Variants in UBE2G2 observed in about 807,000 individuals in gnomAD.
UBE2G2 encodes the protein ubiquitin conjugating enzyme E2 G2.
In UBE2G2, 10 loss-of-function variants were observed where a neutral mutation model predicts 23.0. That is an observed-to-expected ratio of 0.43 (90% CI 0.27 to 0.74). The LOEUF (loss-of-function observed/expected upper bound fraction) is 0.74. Among genes scored for constraint, UBE2G2 ranks in the 30% least tolerant of loss-of-function variants. The pLI is 0.19. For missense variants in UBE2G2, 150 were observed against 218.3 expected (o/e 0.69, Z 1.97); for synonymous variants, 86 against 81.3 (o/e 1.06, Z -0.31).
chr21:44,796,720 C>A (rs1230534771), intron 1 of UBE2G2, among the ~76,000 whole-genome samples: 2 of 152,226 alleles, frequency 1.3e-5, no homozygotes, highest in Non-Finnish European at 2.9e-5. Context: ...CTGGACACAG[C>A]ATGGGCCAGC....
chr21:44,783,390 C>A (rs1223009944), intron 3 of UBE2G2, among the ~76,000 whole-genome samples: 3 of 152,224 alleles, frequency 2.0e-5, no homozygotes, highest in African/African-American at 7.2e-5. Context: ...TTACTCCACA[C>A]CCCAGCAATT....
At chr21:44,799,252 A>G (rs184836147) in intron 1 of UBE2G2, among the ~76,000 whole-genome samples, 111 of 152,364 alleles carry the variant, frequency 7.3e-4, no homozygotes, top group Non-Finnish European at 1.4e-3. Flanking sequence ...GCTTCAACTC[A>G]GTCAACTTAA....
At chr21:44,799,205 A>C (rs2083116492) in intron 1 of UBE2G2, among the ~76,000 whole-genome samples, 2 of 152,296 alleles carry the variant, frequency 1.3e-5, no homozygotes, top group South Asian at 4.2e-4. Flanking sequence ...ATAATTTTTA[A>C]GGGCCCTAAG....
intron 1 of UBE2G2, among the ~76,000 whole-genome samples, chr21:44,797,282 T>G (rs180983444): frequency 9.8e-5 from 15 of 152,350 alleles, no homozygotes; most frequent in African/African-American, 3.6e-4. Flanking sequence ...ATGAAGCTTC[T>G]GTCAGGACAA....
At position 44,801,652 on chromosome 21, in the gene UBE2G2, G is replaced by A. The variant is rs543486894; in HGVS notation, c.43+54C>T. The A allele has an allele frequency of 9.4e-3, 14,061 of 1,496,534 alleles. 86 individuals are homozygous for A. Among genetic ancestry groups the A allele is most frequent in the Non-Finnish European group, 0.011 (12,565 of 1,125,170 alleles). 92.7% of individuals were successfully genotyped at this position (1,496,534 alleles called of 1,614,324 possible). A position where few individuals can be genotyped will look rare whatever the true frequency, so the allele number is the denominator to read the frequency against. On this transcript the variant is annotated intron_variant, in intron 1 of 5. Transcript: ENST00000345496. ...TGCCCCAGCCCCGCCGGACGACGCG[G>A]GCCCGGGAGCAGGAACGCGGGACGC...
chr21:44,797,743 A>G (rs1410314423), intron 1 of UBE2G2, among the ~76,000 whole-genome samples: 2 of 141,308 alleles, frequency 1.4e-5, no homozygotes, highest in Non-Finnish European at 1.5e-5. Context: ...AAAAAAAAAG[A>G]GAAAATACCT....
intron 3 of UBE2G2, among the ~76,000 whole-genome samples, chr21:44,783,276 G>A (rs1364157790): frequency 1.3e-5 from 2 of 152,242 alleles, no homozygotes; most frequent in Admixed American, 6.5e-5. Context: ...TGTTGGTGTG[G>A]AAGTGGAGAA....
At chr21:44,801,404 A>T in intron 1 of UBE2G2, 1 of 1,200,344 alleles carries the variant, frequency 8.3e-7, no homozygotes, top group Non-Finnish European at 1.0e-6. Flanking sequence ...CAAGGCTGCC[A>T]AGAAAAGAAA....
At chr21:44,788,034 T>C (rs782315510) in intron 2 of UBE2G2, 26 bp downstream of exon 2, 3 of 1,611,988 alleles carry the variant, frequency 1.9e-6, no homozygotes, top group African/African-American at 1.3e-5. Flanking sequence ...AAGTAAATTA[T>C]AAGGAAGTTA....
At chr21:44,790,952 G>A (rs868951613) in intron 1 of UBE2G2, among the ~76,000 whole-genome samples, 1 of 152,190 alleles carries the variant, frequency 6.6e-6, no homozygotes, top group Non-Finnish European at 1.5e-5. Flanking sequence ...GAATGCTTTT[G>A]ACCAAAATGC....
At position 44,777,405 on chromosome 21, in the gene UBE2G2, G is replaced by A. The variant is rs1555960725; in HGVS notation, c.138C>T (p.Asp46=). ...EWEALIMGPE[D]TCFEFGVFPA... is the part of the protein sequence containing the mutation. ...GAAAAACACCAAACTCAAAGCAGGTGTCTTCTGGGCCCCTAGAAGATATAA... is the reference window on the plus strand; with the variant it reads ...GAAAAACACCAAACTCAAAGCAGGTATCTTCTGGGCCCCTAGAAGATATAA... The change falls in exon 4 of 6, where the codon GAC becomes GAT. Residue 46 remains aspartate, a synonymous_variant. Transcript: ENST00000345496. 1.2e-6 allele frequency: 2 copies of A among 1,613,940 alleles called. No individual in the cohort carries two copies. The highest frequency in any genetic ancestry group is 2.7e-5 in the African/African-American group (2 of 74,898).
intron 3 of UBE2G2, among the ~76,000 whole-genome samples, chr21:44,779,374 G>C (rs138226542): frequency 7.3e-6 from 1 of 136,258 alleles, no homozygotes; most frequent in Admixed American, 7.3e-5. Context: ...GCTGGGGTGG[G>C]GGGGGGGTAC....
chr21:44,771,464 G>A lies in UBE2G2; in HGVS notation c.411C>T (p.Asn137=), dbSNP rs371194777. ...LAEPNDESGA[N]VDASKMWRDD... is the part of the protein sequence containing the mutation. ...CGCGCCACATTTTGGACGCATCCAC[G>A]TTAGCTCCACTTTCGTCATTGGGCT... is the stretch of plus-strand genomic sequence containing the variant. Residue 137 remains asparagine (N), a synonymous_variant, in exon 6 of 6, where the codon AAC becomes AAT. Transcript: ENST00000345496. This position sits in a 1 kb window ranked among gnomAD's most constrained non-coding sequence, Gnocchi z 4.6. 1.4e-5 allele frequency: 23 copies of A among 1,612,306 alleles called. No homozygotes were observed. Among genetic ancestry groups the A allele is most frequent in the Admixed American group, 1.0e-4 (6 of 60,010 alleles).
intron 1 of UBE2G2, chr21:44,801,329 C>T (rs1044948465): frequency 1.9e-6 from 2 of 1,069,550 alleles, no homozygotes; most frequent in Non-Finnish European, 2.3e-6. Context: ...AACGCATACA[C>T]TTTTCCCTCC....
intron 1 of UBE2G2, among the ~76,000 whole-genome samples, chr21:44,797,840 T>C (rs2083105924): frequency 6.6e-6 from 1 of 150,390 alleles, no homozygotes; most frequent in African/African-American, 2.5e-5. Flanking sequence ...CAAGAAATGG[T>C]AGGTGTTCAC....
Position 44,771,240 on chromosome 21 carries a change from G to GAAA in UBE2G2, c.*134_*136dup. 18 of 581,172 alleles carry GAAA rather than the reference G, an allele frequency of 3.1e-5. No individual in the cohort carries two copies. The highest frequency in any genetic ancestry group is 3.7e-5 in the Non-Finnish European group (13 of 355,400). 36.0% of individuals were successfully genotyped at this position (581,172 alleles called of 1,614,324 possible). ...AGCCTGTTTGAAGTAGGAAAGGTTT[G>GAAA]AAAAAAAAAAAAGATGCCATGGTTC... On this transcript the variant is annotated 3_prime_UTR_variant, in exon 6 of 6. Transcript: ENST00000345496. This position sits in a 1 kb window ranked among gnomAD's most constrained non-coding sequence, Gnocchi z 4.6.
intron 1 of UBE2G2, among the ~76,000 whole-genome samples, chr21:44,797,714 C>CAA (rs60369865): frequency 1.5e-4 from 6 of 39,318 alleles, no homozygotes; most frequent in Non-Finnish European, 2.1e-4. Context: ...AACTCCGTCT[C>CAA]AAAAAAAAAA....
intron 1 of UBE2G2, among the ~76,000 whole-genome samples, chr21:44,796,802 C>T (rs983089517): frequency 6.6e-5 from 10 of 152,208 alleles, no homozygotes; most frequent in Non-Finnish European, 1.2e-4. Flanking sequence ...AATTCACTTC[C>T]ACGGGTCTGT....
intron 3 of UBE2G2, among the ~76,000 whole-genome samples, chr21:44,782,543 C>G (rs1555961450): frequency 6.6e-6 from 1 of 152,144 alleles, no homozygotes; most frequent in Non-Finnish European, 1.5e-5. Context: ...TAAAACTTAC[C>G]ATGAAGCTCC....
Sources: gnomAD v4.1 joint callset for allele counts (sites outside exome capture counted in the v4.1 genomes callset) on GRCh38, gnomAD v4.1.1 for gene constraint, Gnocchi (gnomAD v3.1) non-coding constraint, MANE v1.5 for transcripts, NCBI Gene and HGNC (gene_info 2026-07-23, HGNC 2026-07-21) for gene names.